The following APAF1 variants were observed in gnomAD, a reference collection of about 807,000 sequenced individuals.
APAF1 encodes the protein apoptotic peptidase activating factor 1.
Under a neutral mutation model 152.4 loss-of-function variants are expected in APAF1, and 91 were observed. That is an observed-to-expected ratio of 0.60 (90% CI 0.50 to 0.71). APAF1 has a LOEUF of 0.71. APAF1 is among the 30% of genes least tolerant of loss of function. The pLI, the probability that APAF1 is intolerant of heterozygous loss-of-function variation, is 0.00. For synonymous variants in APAF1, 484 were observed against 494.1 expected (o/e 0.98, Z 0.27); for missense variants, 1,283 against 1,472.0 (o/e 0.87, Z 2.10).
rs1169423621 is a variant in APAF1 at position 98,648,655 on chromosome 12, G to A, written c.168G>A (p.Leu56=). 6.2e-7 allele frequency: 1 copy of A among 1,613,720 alleles called. No homozygotes were observed. Reference sequence around the variant, plus strand: ...CTCAACAGCAAAGAGCAGCTATGCTGATTAAAATGATACTTAAAAAAGATA... The same window carrying A: ...CTCAACAGCAAAGAGCAGCTATGCTAATTAAAATGATACTTAAAAAAGATA... ...EPTQQQRAAM[L]IKMILKKDND... The change falls in exon 3 of 27, where the codon CTG becomes CTA. Residue 56 remains leucine (L), a synonymous_variant. Transcript: ENST00000551964.
intron 23 of APAF1, 92 bp downstream of exon 23, chr12:98,723,404 AC>A (rs1336770568): frequency 1.4e-6 from 2 of 1,406,556 alleles, no homozygotes; most frequent in African/African-American, 1.4e-5. Context: ...GAGGCTAATT[AC>A]TTACTTAAAA....
rs2153346680 is a variant in APAF1, at chr12:98,734,442, A to AATC, written c.*1878_*1880dup. On this transcript the variant is annotated 3_prime_UTR_variant, in exon 27 of 27. Transcript: ENST00000551964. ...AGTAGATGTGGTTCCCAGAAAATAT[A>AATC]ATCAAAATTCAAAGATTTTTTTTGT... The AATC allele has an allele frequency of 6.6e-6, 1 of 152,386 alleles. No individual in the cohort carries two copies. Among genetic ancestry groups the AATC allele is most frequent in the East Asian group, 1.9e-4 (1 of 5,184 alleles). The allele number at this position is 152,386 out of a possible 1,614,324, so 9.4% of individuals were successfully genotyped here.
intron 21 of APAF1, among the ~76,000 whole-genome samples, chr12:98,713,845 A>G (rs1285349249): frequency 6.6e-6 from 1 of 152,212 alleles, no homozygotes; most frequent in Non-Finnish European, 1.5e-5. Context: ...AAGAGACTAT[A>G]TGCTTAGACA....
Position 98,680,418 on chromosome 12 carries a change from C to A in APAF1, c.2046+16C>A. On this transcript the variant is annotated intron_variant, in intron 14 of 26. Coordinates refer to ENST00000551964, the MANE Select transcript of APAF1 (RefSeq NM_181861.2). ...AAAAGTGAAGGTAGGAAAATCTTTT[C>A]CTCTTGAGTTGTAATCACAACAGAA... 6.2e-7 allele frequency: 1 copy of A among 1,611,440 alleles called. No homozygotes were observed. The highest frequency in any genetic ancestry group is 1.1e-5 in the South Asian group (1 of 91,000).
chr12:98,660,138 G>C (rs1332715668), intron 5 of APAF1, among the ~76,000 whole-genome samples: 1 of 152,188 alleles, frequency 6.6e-6, no homozygotes, highest in Non-Finnish European at 1.5e-5. Flanking sequence ...TTGAGTCCAG[G>C]AGTTCGAGAC....
chr12:98,690,852 G>T (rs912813832), intron 16 of APAF1, among the ~76,000 whole-genome samples: 2 of 151,982 alleles, frequency 1.3e-5, no homozygotes, highest in South Asian at 4.2e-4. Flanking sequence ...CCTATCATAA[G>T]CCCCCTCAGA....
intron 17 of APAF1, among the ~76,000 whole-genome samples, chr12:98,700,154 G>C (rs1294076998): frequency 6.6e-6 from 1 of 152,136 alleles, no homozygotes; most frequent in Non-Finnish European, 1.5e-5. Flanking sequence ...GTGGTATTCA[G>C]AGTGCCCTCA....
At chr12:98,715,586 T>C (rs774499367) in intron 22 of APAF1, 34 bp downstream of exon 22, 21 of 1,611,008 alleles carry the variant, frequency 1.3e-5, no homozygotes, top group Admixed American at 1.7e-5. Flanking sequence ...ACATATTTAA[T>C]GCTGATTCTA....
rs559705068 is a variant in APAF1, at chr12:98,649,700, C to A, written c.526+16C>A. On this transcript the variant is annotated intron_variant, in intron 4 of 26. Coordinates refer to ENST00000551964, the MANE Select transcript of APAF1 (RefSeq NM_181861.2). ...CTTTTAGAAGGTAAGTGTCTTAGTC[C>A]ATTTCATAGTCTAGTAAGGTAGATA... 2 of 1,607,866 alleles carry A rather than the reference C, an allele frequency of 1.2e-6. No individual in the cohort carries two copies. The highest frequency in any genetic ancestry group is 2.2e-5 in the South Asian group (2 of 90,784).
rs573328920 is a variant in APAF1 at position 98,656,034 on chromosome 12, C to T, written c.527-3126C>T. ...TCCTGACCTTGTGATCCGCCCACCT[C>T]GGCCTCCCAAAGTGCTGGGATTACA... is the stretch of plus-strand genomic sequence containing the variant. On this transcript the variant is annotated intron_variant, in intron 4 of 26. Transcript: ENST00000551964. 4.8e-3 allele frequency among the ~76,000 whole-genome samples: 726 copies of T among 152,212 alleles called. 10 individuals are homozygous for T. The highest frequency in any genetic ancestry group is 0.016 in the African/African-American group (667 of 41,534).
At chr12:98,665,859 T>C (rs2097672031) in intron 8 of APAF1, 68 bp downstream of exon 8, 4 of 1,343,876 alleles carry the variant, frequency 3.0e-6, no homozygotes. Context: ...GTACTGAGCA[T>C]GTTGTTACAG....
chr12:98,715,605 A>G (rs1264535894), intron 22 of APAF1, 53 bp downstream of exon 22: 1 of 1,601,772 alleles, frequency 6.2e-7, no homozygotes, highest in Admixed American at 1.7e-5. Flanking sequence ...TAGCAAAGGA[A>G]CACTATGATT....
intron 7 of APAF1, among the ~76,000 whole-genome samples, chr12:98,664,782 A>T (rs559528579): frequency 1.3e-5 from 2 of 151,978 alleles, no homozygotes; most frequent in South Asian, 4.1e-4. Context: ...CAATCCTCCC[A>T]CCTCAGCCTC....
intron 14 of APAF1, among the ~76,000 whole-genome samples, chr12:98,682,760 G>A (rs578257927): frequency 2.6e-5 from 4 of 152,260 alleles, no homozygotes; most frequent in African/African-American, 9.6e-5. Context: ...TGACACACAA[G>A]TCATAAGTGG....
chr12:98,718,445 G>A (rs973324262), intron 22 of APAF1, among the ~76,000 whole-genome samples: 7 of 151,936 alleles, frequency 4.6e-5, no homozygotes, highest in Non-Finnish European at 7.4e-5. Flanking sequence ...ATGTTGGCCA[G>A]GCTGGTCTTG....
At chr12:98,654,416 T>G (rs538046271) in intron 4 of APAF1, among the ~76,000 whole-genome samples, 65 of 152,188 alleles carry the variant, frequency 4.3e-4, no homozygotes, top group Non-Finnish European at 7.9e-4. Context: ...TTTACAAATT[T>G]TATTTTATTT....
intron 12 of APAF1, among the ~76,000 whole-genome samples, chr12:98,675,280 T>G (rs1439137991): frequency 6.6e-6 from 1 of 152,240 alleles, no homozygotes; most frequent in African/African-American, 2.4e-5. Flanking sequence ...CTAGTACTTT[T>G]GGGCCATCTA....
At chr12:98,685,380 G>A (rs1193088541) in intron 15 of APAF1, among the ~76,000 whole-genome samples, 1 of 150,636 alleles carries the variant, frequency 6.6e-6, no homozygotes, top group Non-Finnish European at 1.5e-5. Flanking sequence ...TCTGTCGCCA[G>A]GCTGGAGTGC....
chr12:98,694,243 G>A (rs1222765211), intron 16 of APAF1, among the ~76,000 whole-genome samples: 6 of 152,156 alleles, frequency 3.9e-5, no homozygotes, highest in Non-Finnish European at 8.8e-5. Context: ...GTCCTCAAAA[G>A]CAATTGCTAC....
Sources: allele counts gnomAD v4.1 joint callset (sites outside exome capture counted in the v4.1 genomes callset), GRCh38; gene constraint gnomAD v4.1.1; transcripts MANE v1.5; gene names NCBI Gene and HGNC (gene_info 2026-07-23, HGNC 2026-07-21).